KCNQ1: variants seen among roughly 807,000 people sequenced by gnomAD.
KCNQ1 encodes the protein potassium voltage-gated channel subfamily KQT member 1.
KCNQ1 carries 49 observed loss-of-function variants against 72.4 expected under a neutral mutation model. The observed-to-expected ratio is 0.68, with a 90% CI of 0.54 to 0.86. The LOEUF is 0.86. Among genes scored for constraint, KCNQ1 ranks in the 40% least tolerant of loss-of-function variants. The pLI is 0.00. For synonymous variants in KCNQ1, 450 were observed against 412.6 expected, an observed-to-expected ratio of 1.09 and a Z score of -1.10; for missense variants, 790 against 945.1, an observed-to-expected ratio of 0.84 and a Z score of 2.15.
intron 10 of KCNQ1, chr11:2,635,583 A>T (rs1263236605): frequency 2.0e-5 from 3 of 152,194 alleles, no homozygotes; most frequent in Non-Finnish European, 4.4e-5. Flanking sequence ...TGGTGACTGT[A>T]GCCTTGTAGT....
chr11:2,499,522 CCCTG>C (rs1191458136), intron 1 of KCNQ1, among the ~76,000 whole-genome samples: 3 of 136,070 alleles, frequency 2.2e-5, no homozygotes, highest in African/African-American at 5.2e-5. Flanking sequence ...TTGAATGGAC[CCCTG>C]CCCCCACAAA....
Position 2,592,625 on chromosome 11 carries a change from C to T in KCNQ1, c.1393+3771C>T, listed in dbSNP as rs537189379. On this transcript the variant is annotated intron_variant, in intron 10 of 15. Coordinates refer to ENST00000155840, the MANE Select transcript of KCNQ1 (RefSeq NM_000218.3). This position sits in a 1 kb window ranked among gnomAD's most constrained non-coding sequence, Gnocchi z 5.2. Reference sequence around the variant, plus strand: ...CGTCACAGACTCCTCATGAAGGATGCATGGGGACCCAACCGCATGCCACTT... The same window carrying T: ...CGTCACAGACTCCTCATGAAGGATGTATGGGGACCCAACCGCATGCCACTT... Among the ~76,000 whole-genome samples, 6 of 152,334 alleles carry T rather than the reference C, an allele frequency of 3.9e-5. No individual in the cohort carries two copies. The South Asian group carries it at 1.2e-3, about 32-fold the overall frequency.
chr11:2,848,273 T>C lies in KCNQ1; in HGVS notation c.*270T>C. ...TGGCCCCCACATGGTGATGTTGACA[T>C]CACTGGCATGGTGGTTGGGACCCAG... is the stretch of plus-strand genomic sequence containing the variant. On this transcript the variant is annotated 3_prime_UTR_variant, in exon 16 of 16. Transcript: ENST00000155840. 1 of 641,282 alleles carries C rather than the reference T, an allele frequency of 1.6e-6. No homozygotes were observed. The allele number at this position is 641,282 out of a possible 1,614,324, so 39.7% of individuals were successfully genotyped here.
At chr11:2,741,917 G>A (rs1176935611) in intron 11 of KCNQ1, among the ~76,000 whole-genome samples, 2 of 152,222 alleles carry the variant, frequency 1.3e-5, no homozygotes, top group East Asian at 1.9e-4. Flanking sequence ...ACCATCTGCA[G>A]AAGCCCTCAG....
chr11:2,615,795 T>C (rs1297867422), intron 10 of KCNQ1: 1 of 398,032 alleles, frequency 2.5e-6, no homozygotes, highest in Non-Finnish European at 4.4e-6. Context: ...TAGTACTTTG[T>C]TAAATAAAAG....
At position 2,658,081 on chromosome 11, in the gene KCNQ1, G is replaced by A. The variant is rs560023508; in HGVS notation, c.1394-3880G>A. 2 of 398,524 alleles carry A rather than the reference G, an allele frequency of 5.0e-6. No homozygotes were observed. The highest frequency in any genetic ancestry group is 8.8e-6 in the Non-Finnish European group (2 of 226,032). 24.7% of individuals were successfully genotyped at this position (398,524 alleles called of 1,614,324 possible). On this transcript the variant is annotated intron_variant, in intron 10 of 15. Coordinates refer to ENST00000155840, the MANE Select transcript of KCNQ1 (RefSeq NM_000218.3). The surrounding 1 kb of genome is among the most constrained non-coding windows in gnomAD (Gnocchi z 4.9). The stretch of plus-strand genomic sequence containing the variant: ...CACACTCAAGGTGGGGAAGGGAGGG[G>A]TTCAACTCTACCTCCTGCAGGAGAG...
chr11:2,813,376 G>T lies in KCNQ1; in HGVS notation c.1795-34391G>T, dbSNP rs1032398007. 1.1e-4 allele frequency among the ~76,000 whole-genome samples: 16 copies of T among 151,124 alleles called. No homozygotes were observed. The highest frequency in any genetic ancestry group is 3.9e-4 in the African/African-American group (16 of 41,058). Reference sequence around the variant, plus strand: ...GAACCTGGGCTCCCCACTCTCACAGGGGTGGAGACCTGCACCTCTTTTTCA... The same window carrying T: ...GAACCTGGGCTCCCCACTCTCACAGTGGTGGAGACCTGCACCTCTTTTTCA... On this transcript the variant is annotated intron_variant, in intron 15 of 15. Coordinates refer to ENST00000155840, the MANE Select transcript of KCNQ1 (RefSeq NM_000218.3). This position sits in a 1 kb window ranked among gnomAD's most constrained non-coding sequence, Gnocchi z 4.4.
At chr11:2,760,479 G>T (rs560303770) in intron 11 of KCNQ1, among the ~76,000 whole-genome samples, 1 of 152,326 alleles carries the variant, frequency 6.6e-6, no homozygotes, top group Admixed American at 6.5e-5. Flanking sequence ...TCTTTTCTCA[G>T]CAGCTGACCC....
chr11:2,497,936 C>T lies in KCNQ1; in HGVS notation c.387-29992C>T, dbSNP rs1846948943. On this transcript the variant is annotated intron_variant, in intron 1 of 15. Coordinates refer to ENST00000155840, the MANE Select transcript of KCNQ1 (RefSeq NM_000218.3). The surrounding 1 kb of genome is among the most constrained non-coding windows in gnomAD (Gnocchi z 4.5). ...TCTAAGAGTCAAGCCTGCAGTCCTG[C>T]AGGTCTGCTGCAGTTTGCTGGAGGT... Among the ~76,000 whole-genome samples, 1 of 152,174 alleles carries T rather than the reference C, an allele frequency of 6.6e-6. No individual in the cohort carries two copies. The highest frequency in any genetic ancestry group is 1.5e-5 in the Non-Finnish European group (1 of 68,044).
intron 11 of KCNQ1, among the ~76,000 whole-genome samples, chr11:2,706,021 G>A (rs1190474625): frequency 2.0e-5 from 3 of 152,174 alleles, no homozygotes; most frequent in African/African-American, 7.2e-5. Context: ...AGGCTCAGAA[G>A]ATGGATGTAA....
Position 2,627,100 on chromosome 11 carries a change from T to C in KCNQ1, c.1394-34861T>C. 5.0e-6 allele frequency: 2 copies of C among 398,556 alleles called. No individual in the cohort carries two copies. Among genetic ancestry groups the C allele is most frequent in the Non-Finnish European group, 8.8e-6 (2 of 226,044 alleles). 24.7% of individuals were successfully genotyped at this position (398,556 alleles called of 1,614,324 possible). A position where few individuals can be genotyped will look rare whatever the true frequency, so the allele number is the denominator to read the frequency against. The stretch of plus-strand genomic sequence containing the variant: ...ATGTCTACTTTAATTTCTTTCAGCA[T>C]TGTTTTGTAATTTTCATTGTACAAG... On this transcript the variant is annotated intron_variant, in intron 10 of 15. Transcript: ENST00000155840. The surrounding 1 kb of genome is among the most constrained non-coding windows in gnomAD (Gnocchi z 4.9).
At chr11:2,634,037 T>G (rs1849408085) in intron 10 of KCNQ1, 1 of 398,650 alleles carries the variant, frequency 2.5e-6, no homozygotes, top group African/African-American at 2.1e-5. Flanking sequence ...AGCTTCATTC[T>G]GCCTGCTCAG....
chr11:2,640,089 T>C, intron 10 of KCNQ1: 1 of 248,414 alleles, frequency 4.0e-6, no homozygotes, highest in Non-Finnish European at 7.6e-6. Flanking sequence ...GATCCAGTTT[T>C]CCAGGTGCCG....
Position 2,803,485 on chromosome 11 carries a change from G to A in KCNQ1, c.1794+25448G>A, listed in dbSNP as rs1359191793. Among the ~76,000 whole-genome samples the A allele has an allele frequency of 1.3e-5, 2 of 152,200 alleles. No homozygotes were observed. The highest frequency in any genetic ancestry group is 2.9e-5 in the Non-Finnish European group (2 of 68,018). Reference sequence around the variant, plus strand: ...GGAGCTTTAGGGGTACCCAGGTGGTGTGATGGGGAGCAGGAGCCAGTTGTT... The same window carrying A: ...GGAGCTTTAGGGGTACCCAGGTGGTATGATGGGGAGCAGGAGCCAGTTGTT... On this transcript the variant is annotated intron_variant, in intron 15 of 15. Transcript: ENST00000155840. This position sits in a 1 kb window ranked among gnomAD's most constrained non-coding sequence, Gnocchi z 6.4.
chr11:2,793,491 G>A (rs1258169235), intron 15 of KCNQ1, among the ~76,000 whole-genome samples: 4 of 134,204 alleles, frequency 3.0e-5, no homozygotes, highest in Non-Finnish European at 6.9e-5. Flanking sequence ...AAGCGTGATG[G>A]TGTGTGCCTG....
intron 1 of KCNQ1, among the ~76,000 whole-genome samples, chr11:2,524,895 G>C (rs1353354591): frequency 6.6e-6 from 1 of 152,184 alleles, no homozygotes; most frequent in Non-Finnish European, 1.5e-5. Flanking sequence ...CGTGGGCCTG[G>C]GGAGCAGGCA....
At chr11:2,684,135 T>C (rs1850445594) in intron 11 of KCNQ1, 1 of 398,610 alleles carries the variant, frequency 2.5e-6, no homozygotes, top group Non-Finnish European at 4.4e-6. Context: ...ACCGTTTCCC[T>C]TGAAGAATGG....
intron 2 of KCNQ1, among the ~76,000 whole-genome samples, chr11:2,545,303 G>T (rs1443389489): frequency 6.6e-6 from 1 of 152,188 alleles, no homozygotes; most frequent in East Asian, 1.9e-4. Flanking sequence ...GAGTTGGGAA[G>T]TGTTCTCTCT....
chr11:2,652,476 C>G lies in KCNQ1; in HGVS notation c.1394-9485C>G, dbSNP rs1590007609. Reference sequence around the variant, plus strand: ...CCATCCAAAGACCTCCAGAAACTTTCCTCCCCACCTCTCCAGAGGTTTCTG... The same window carrying G: ...CCATCCAAAGACCTCCAGAAACTTTGCTCCCCACCTCTCCAGAGGTTTCTG... On this transcript the variant is annotated intron_variant, in intron 10 of 15. Coordinates refer to ENST00000155840, the MANE Select transcript of KCNQ1 (RefSeq NM_000218.3). This position sits in a 1 kb window ranked among gnomAD's most constrained non-coding sequence, Gnocchi z 5.9. The G allele has an allele frequency of 1.0e-5, 4 of 398,626 alleles. No individual in the cohort carries two copies. The East Asian group carries it at 1.1e-4, about 11-fold the overall frequency. The allele number at this position is 398,626 out of a possible 1,614,324, so 24.7% of individuals were successfully genotyped here. A position where few individuals can be genotyped will look rare whatever the true frequency, so the allele number is the denominator to read the frequency against.
Sources: allele counts gnomAD v4.1 joint callset (sites outside exome capture counted in the v4.1 genomes callset), GRCh38; gene constraint gnomAD v4.1.1; non-coding constraint Gnocchi (gnomAD v3.1); transcripts MANE v1.5; gene names NCBI Gene and HGNC (gene_info 2026-07-23, HGNC 2026-07-21).